The following CTNNA2 variants were observed in gnomAD, a reference collection of about 807,000 sequenced individuals.
The protein encoded by CTNNA2 is catenin alpha-2.
In CTNNA2, 42 loss-of-function variants were observed where a neutral mutation model predicts 101.0. That is an observed-to-expected ratio of 0.42 (90% CI 0.32 to 0.54). The LOEUF (loss-of-function observed/expected upper bound fraction) is 0.54, where lower values mean the gene tolerates loss of function less well. Ranked by LOEUF, CTNNA2 falls within the 20% of genes least tolerant of loss-of-function variation. The pLI is 0.14. For missense variants in CTNNA2, 871 were observed against 1,223.1 expected (o/e 0.71, Z 4.29); for synonymous variants, 450 against 456.4 (o/e 0.99, Z 0.18).
intron 9 of CTNNA2, among the ~76,000 whole-genome samples, chr2:80,487,280 C>CAAAAA (rs57561004): frequency 1.5e-5 from 1 of 68,518 alleles, no homozygotes; most frequent in African/African-American, 3.8e-5. Context: ...TACTCTGTCT[C>CAAAAA]AAAAAAAAAA....
chr2:79,341,772 C>T (rs755224457), intron 3 of CTNNA2, among the ~76,000 whole-genome samples: 8 of 152,160 alleles, frequency 5.3e-5, no homozygotes, highest in Admixed American at 1.3e-4. Context: ...CCATTGAATG[C>T]GCAGGTGTCA....
intron 3 of CTNNA2, among the ~76,000 whole-genome samples, chr2:79,801,100 A>C (rs1006932801): frequency 1.3e-5 from 2 of 152,192 alleles, no homozygotes; most frequent in Non-Finnish European, 2.9e-5. Flanking sequence ...ATTAGAAAGG[A>C]CTTGAGAAAG....
intron 2 of CTNNA2, among the ~76,000 whole-genome samples, chr2:79,254,077 T>C (rs1674808379): frequency 6.6e-6 from 1 of 152,174 alleles, no homozygotes; most frequent in African/African-American, 2.4e-5. Flanking sequence ...AAGCACTCTC[T>C]GGATAACCAC....
At chr2:79,512,944 T>C, upstream of CTNNA2, 1 of 150,366 alleles carries the variant, frequency 6.7e-6, no homozygotes, top group Non-Finnish European at 1.5e-5. Flanking sequence ...CTAGCGGCGA[T>C]CCGGGCCGCT....
chr2:79,308,159 C>G (rs1676288905), intron 2 of CTNNA2, among the ~76,000 whole-genome samples: 1 of 152,144 alleles, frequency 6.6e-6, no homozygotes, highest in Non-Finnish European at 1.5e-5. Context: ...ATTCTCCTGC[C>G]TCAGCCTTCT....
At chr2:79,850,398 C>T (rs1200756540) in intron 3 of CTNNA2, among the ~76,000 whole-genome samples, 2 of 141,874 alleles carry the variant, frequency 1.4e-5, no homozygotes, top group Non-Finnish European at 3.1e-5. Flanking sequence ...TTTCTCCCTC[C>T]CTCCCTTTCT....
At chr2:79,998,744 T>C (rs1371304530) in intron 7 of CTNNA2, among the ~76,000 whole-genome samples, 1 of 152,210 alleles carries the variant, frequency 6.6e-6, no homozygotes, top group Non-Finnish European at 1.5e-5. Flanking sequence ...TTTAAAAGTA[T>C]ATATTAAAAT....
At position 80,151,593 on chromosome 2, in the gene CTNNA2, G is replaced by A. The variant is rs1024822198; in HGVS notation, c.1057-241618G>A. On this transcript the variant is annotated intron_variant, in intron 7 of 18. Coordinates refer to ENST00000402739, the MANE Select transcript of CTNNA2 (RefSeq NM_001282597.3). ...TAACACATATTTTTAGAAAGCACTT[G>A]ACTTGGCAGTACAAGATCTCTGCCA... Among the ~76,000 whole-genome samples, 11 of 152,154 alleles carry A rather than the reference G, an allele frequency of 7.2e-5. 1 individual carries two copies. The highest frequency in any genetic ancestry group is 6.5e-4 in the Admixed American group (10 of 15,274).
intron 7 of CTNNA2, among the ~76,000 whole-genome samples, chr2:80,000,544 A>T (rs191128813): frequency 1.3e-5 from 2 of 152,228 alleles, no homozygotes; most frequent in Admixed American, 1.3e-4. Context: ...CCTTGTTTTC[A>T]TATTGGCCTT....
chr2:79,853,852 G>A (rs1455671962), intron 3 of CTNNA2, among the ~76,000 whole-genome samples: 2 of 151,934 alleles, frequency 1.3e-5, no homozygotes, highest in South Asian at 2.1e-4. Flanking sequence ...ATTTTTAGAA[G>A]AGATGGGATT....
intron 2 of CTNNA2, among the ~76,000 whole-genome samples, chr2:79,267,170 G>A (rs1350869033): frequency 6.6e-6 from 1 of 152,050 alleles, no homozygotes; most frequent in Non-Finnish European, 1.5e-5. Context: ...CCTTGATGGG[G>A]AATAGCAGCC....
chr2:80,440,056 A>G (rs1424697276), intron 9 of CTNNA2, among the ~76,000 whole-genome samples: 2 of 152,248 alleles, frequency 1.3e-5, no homozygotes, highest in Non-Finnish European at 2.9e-5. Flanking sequence ...TGGAAACAGG[A>G]AAAGTAGAGC....
At chr2:79,637,101 T>C (rs1680125320) in intron 1 of CTNNA2, 1 of 152,226 alleles carries the variant, frequency 6.6e-6, no homozygotes, top group Admixed American at 6.5e-5. Context: ...ACAGGCATTA[T>C]AGACTACCTT....
At chr2:79,275,628 ATGT>A (rs1229619772) in intron 2 of CTNNA2, among the ~76,000 whole-genome samples, 1 of 152,036 alleles carries the variant, frequency 6.6e-6, no homozygotes, top group South Asian at 2.1e-4. Flanking sequence ...TAATATTATG[ATGT>A]TATTATTTAA....
intron 7 of CTNNA2, among the ~76,000 whole-genome samples, chr2:80,285,829 C>T (rs1474993164): frequency 6.6e-6 from 1 of 152,206 alleles, no homozygotes; most frequent in Non-Finnish European, 1.5e-5. Flanking sequence ...GTTAGACAGG[C>T]ATGACTTGTA....
intron 3 of CTNNA2, among the ~76,000 whole-genome samples, chr2:79,842,895 C>T (rs1452116368): frequency 2.0e-5 from 3 of 152,000 alleles, no homozygotes; most frequent in Admixed American, 1.3e-4. Context: ...CTTAGTGTCT[C>T]GAGCAGAGGG....
At chr2:80,168,150 A>G (rs1244908343) in intron 7 of CTNNA2, among the ~76,000 whole-genome samples, 1 of 152,126 alleles carries the variant, frequency 6.6e-6, no homozygotes, top group African/African-American at 2.4e-5. Context: ...GGCTGGGTGC[A>G]GTACCAGAGG....
intron 9 of CTNNA2, among the ~76,000 whole-genome samples, chr2:80,421,477 C>G (rs561421203): frequency 2.0e-5 from 3 of 152,260 alleles, no homozygotes; most frequent in South Asian, 4.1e-4. Context: ...TTTTTCCACT[C>G]ATTCTCCTTT....
At chr2:79,498,764 T>C (rs1671286258) in intron 4 of CTNNA2, among the ~76,000 whole-genome samples, 1 of 152,222 alleles carries the variant, frequency 6.6e-6, no homozygotes, top group East Asian at 1.9e-4. Context: ...ATACTAATCT[T>C]GTCAACCTTC....
Sources: gnomAD v4.1 joint callset for allele counts (sites outside exome capture counted in the v4.1 genomes callset) on GRCh38, gnomAD v4.1.1 for gene constraint, MANE v1.5 for transcripts, NCBI Gene and HGNC (gene_info 2026-07-23, HGNC 2026-07-21) for gene names.